The following PPARD variants were observed in gnomAD, a reference collection of about 807,000 sequenced individuals.
The protein encoded by PPARD is peroxisome proliferator activated receptor delta, also known as peroxisome proliferator-activated receptor delta.
In PPARD, 6 loss-of-function variants were observed where a neutral mutation model predicts 39.5. That is an observed-to-expected ratio of 0.15 (90% CI 0.08 to 0.30). The LOEUF (loss-of-function observed/expected upper bound fraction) is 0.30. Among genes scored for constraint, PPARD ranks in the 10% least tolerant of loss-of-function variants. The pLI is 1.00. For missense variants in PPARD, 397 were observed against 596.8 expected (o/e 0.67, Z 3.49); for synonymous variants, 210 against 231.3 (o/e 0.91, Z 0.83).
intron 2 of PPARD, among the ~76,000 whole-genome samples, chr6:35,392,382 C>T (rs1033457026): frequency 6.6e-6 from 1 of 152,038 alleles, no homozygotes; most frequent in Admixed American, 6.5e-5. Flanking sequence ...TGCTTCCATG[C>T]TGTGTTGCAG....
chr6:35,361,544 C>T (rs922673462), intron 2 of PPARD, among the ~76,000 whole-genome samples: 3 of 152,086 alleles, frequency 2.0e-5, no homozygotes, highest in African/African-American at 4.8e-5. Context: ...TTATTTTTGT[C>T]GTCCTCTTCA....
At chr6:35,361,737 C>T (rs1761937462) in intron 2 of PPARD, among the ~76,000 whole-genome samples, 1 of 152,064 alleles carries the variant, frequency 6.6e-6, no homozygotes, top group Non-Finnish European at 1.5e-5. Context: ...ACCACCAAAC[C>T]TTATGTTTAG....
At chr6:35,407,352 C>T (rs1329458648) in intron 2 of PPARD, among the ~76,000 whole-genome samples, 1 of 152,000 alleles carries the variant, frequency 6.6e-6, no homozygotes, top group Non-Finnish European at 1.5e-5. Flanking sequence ...ACCCTGGGCT[C>T]TGCCGCCACT....
chr6:35,406,881 C>T (rs1332349456), intron 2 of PPARD, among the ~76,000 whole-genome samples: 1 of 152,218 alleles, frequency 6.6e-6, no homozygotes, highest in East Asian at 1.9e-4. Flanking sequence ...TGGCCCGGCT[C>T]GAGTCCTGCT....
rs573359419 is a variant in PPARD at position 35,416,737 on chromosome 6, T to A, written c.131-3390T>A. Among the ~76,000 whole-genome samples the A allele has an allele frequency of 2.2e-4, 33 of 152,266 alleles. 1 individual carries two copies. Reference sequence around the variant, plus strand: ...ATGAGAAGAATTCTGCCATCACCTTTCTTTCAGCAGAGAGGGAAGCAGTCC... The same window carrying A: ...ATGAGAAGAATTCTGCCATCACCTTACTTTCAGCAGAGAGGGAAGCAGTCC... On this transcript the variant is annotated intron_variant, in intron 3 of 7. Coordinates refer to ENST00000360694, the MANE Select transcript of PPARD (RefSeq NM_006238.5).
chr6:35,399,189 G>T (rs1764532016), intron 2 of PPARD, among the ~76,000 whole-genome samples: 1 of 152,034 alleles, frequency 6.6e-6, no homozygotes. Context: ...GATAACTTGA[G>T]GTGGGTTCAA....
intron 2 of PPARD, among the ~76,000 whole-genome samples, chr6:35,361,356 A>T (rs531514877): frequency 1.3e-5 from 2 of 152,086 alleles, no homozygotes; most frequent in South Asian, 4.2e-4. Context: ...ACCAAACAGA[A>T]CTTCAAGGCA....
At chr6:35,343,945 G>C (rs907795737) in intron 1 of PPARD, among the ~76,000 whole-genome samples, 1 of 152,064 alleles carries the variant, frequency 6.6e-6, no homozygotes, top group East Asian at 1.9e-4. Flanking sequence ...GAAAATACTT[G>C]TGGTCCTCAA....
At chr6:35,343,493 A>T (rs1432668777) in intron 1 of PPARD, among the ~76,000 whole-genome samples, 1 of 137,450 alleles carries the variant, frequency 7.3e-6, no homozygotes, top group African/African-American at 3.2e-5. Context: ...TCCACACTCT[A>T]CTCTACTTTC....
intron 4 of PPARD, among the ~76,000 whole-genome samples, chr6:35,420,819 CTTTTTT>C (rs35852986): frequency 1.2e-5 from 1 of 85,740 alleles, no homozygotes; most frequent in African/African-American, 4.2e-5. Context: ...AACAAAGAAG[CTTTTTT>C]TTTTTTTTTT....
At chr6:35,357,783 TGCCTCG>T (rs71661880) in intron 2 of PPARD, among the ~76,000 whole-genome samples, 7,639 of 152,124 alleles carry the variant, frequency 0.05, 621 homozygotes, top group African/African-American at 0.17. Context: ...GTGATCCACT[TGCCTCG>T]GCCTCCCAAA....
intron 2 of PPARD, among the ~76,000 whole-genome samples, chr6:35,396,710 G>A (rs973043011): frequency 1.3e-5 from 2 of 151,782 alleles, no homozygotes; most frequent in East Asian, 2.0e-4. Flanking sequence ...TGCGCCTGTA[G>A]TCCCAGCTAC....
chr6:35,407,756 G>A (rs1160153266), intron 2 of PPARD, among the ~76,000 whole-genome samples: 1 of 150,210 alleles, frequency 6.7e-6, no homozygotes, highest in African/African-American at 2.4e-5. Flanking sequence ...TGCCGAGTCT[G>A]AATATATTAT....
chr6:35,375,209 G>GTTT (rs558275286), intron 2 of PPARD, among the ~76,000 whole-genome samples: 669 of 59,244 alleles, frequency 0.011, 24 homozygotes, highest in Non-Finnish European at 0.013. Context: ...CTCCTTCCGA[G>GTTT]TTTTTTTTTT....
chr6:35,419,761 C>A (rs9658149), intron 3 of PPARD, among the ~76,000 whole-genome samples: 1,968 of 152,288 alleles, frequency 0.013, 15 homozygotes, highest in Middle Eastern at 0.027. Context: ...AGGGCTAAGA[C>A]CCTCTGTCTG....
chr6:35,420,340 C>T (rs1766066405), intron 4 of PPARD, 59 bp downstream of exon 4: 1 of 1,505,890 alleles, frequency 6.6e-7, no homozygotes, highest in Non-Finnish European at 8.9e-7. Context: ...GGTGAATTGA[C>T]CCTCCACAAA....
intron 2 of PPARD, among the ~76,000 whole-genome samples, chr6:35,364,885 A>G (rs1440161571): frequency 1.3e-5 from 2 of 149,930 alleles, no homozygotes; most frequent in African/African-American, 4.9e-5. Context: ...AATTTTTTGT[A>G]TTTTTAGTAG....
intron 2 of PPARD, among the ~76,000 whole-genome samples, chr6:35,384,377 C>A (rs1388289212): frequency 2.2e-5 from 3 of 136,578 alleles, no homozygotes; most frequent in African/African-American, 8.8e-5. Context: ...GCCTGGCTGC[C>A]CCTACTGGGA....
chr6:35,379,646 T>C (rs1317930898), intron 2 of PPARD, among the ~76,000 whole-genome samples: 1 of 152,242 alleles, frequency 6.6e-6, no homozygotes, highest in Non-Finnish European at 1.5e-5. Context: ...TGCTGTCTGA[T>C]GCCACTGCAT....
Sources: gnomAD v4.1 joint callset for allele counts (sites outside exome capture counted in the v4.1 genomes callset) on GRCh38, gnomAD v4.1.1 for gene constraint, MANE v1.5 for transcripts, NCBI Gene and HGNC (gene_info 2026-07-23, HGNC 2026-07-21) for gene names.